Variants in LRRC7 observed in about 807,000 individuals in gnomAD.
LRRC7 encodes the protein leucine rich repeat containing 7, also known as leucine-rich repeat-containing protein 7.
Under a neutral mutation model 175.7 loss-of-function variants are expected in LRRC7, and 23 were observed. The observed-to-expected ratio is 0.13, with a 90% CI of 0.09 to 0.19. The LOEUF (loss-of-function observed/expected upper bound fraction) is 0.19, where lower values mean the gene tolerates loss of function less well. LRRC7 is among the 10% of genes least tolerant of loss of function. LRRC7 has a pLI of 1.00. For synonymous variants in LRRC7, 685 were observed against 680.9 expected (o/e 1.01, Z -0.09); for missense variants, 1,354 against 1,904.7 (o/e 0.71, Z 5.38).
intron 1 of LRRC7, among the ~76,000 whole-genome samples, chr1:69,615,002 T>C (rs1288058939): frequency 1.3e-5 from 2 of 152,086 alleles, no homozygotes; most frequent in East Asian, 1.9e-4. Flanking sequence ...CTTCTACTTT[T>C]TCCATCTTTG....
chr1:69,803,385 A>T (rs116640038), intron 4 of LRRC7, among the ~76,000 whole-genome samples: 1 of 151,406 alleles, frequency 6.6e-6, no homozygotes, highest in South Asian at 2.1e-4. Flanking sequence ...ATTCATGAAC[A>T]TGGTATTTCC....
At chr1:69,717,923 A>G (rs74439209) in intron 2 of LRRC7, among the ~76,000 whole-genome samples, 67,518 of 93,462 alleles carry the variant, frequency 0.72, 24,378 homozygotes, top group African/African-American at 0.86. Context: ...AAGAGAGAAA[A>G]AAAGAAAAGA....
At chr1:69,911,834 T>C (rs1646540336) in intron 7 of LRRC7, among the ~76,000 whole-genome samples, 1 of 152,038 alleles carries the variant, frequency 6.6e-6, no homozygotes, top group South Asian at 2.1e-4. Context: ...GAGTTATGCC[T>C]ATTTGATACA....
chr1:69,994,680 C>T (rs755370262), intron 11 of LRRC7, 47 bp downstream of exon 11: 9 of 1,289,558 alleles, frequency 7.0e-6, no homozygotes, highest in Non-Finnish European at 9.0e-6. Flanking sequence ...AAGCCAGAAA[C>T]TAAAGGATAT....
At chr1:70,075,188 T>C (rs1411188402) in intron 23 of LRRC7, among the ~76,000 whole-genome samples, 1 of 152,222 alleles carries the variant, frequency 6.6e-6, no homozygotes, top group African/African-American at 2.4e-5. Context: ...TAGACCTCCA[T>C]GTTAAACCAT....
At chr1:69,671,928 A>G (rs4462090) in intron 1 of LRRC7, among the ~76,000 whole-genome samples, 33,286 of 152,094 alleles carry the variant, frequency 0.22, 3,741 homozygotes, top group South Asian at 0.29. Context: ...GCCCTCTTCA[A>G]TGCCTCTTTC....
chr1:69,671,908 A>T (rs1659132440), intron 1 of LRRC7, among the ~76,000 whole-genome samples: 2 of 151,670 alleles, frequency 1.3e-5, no homozygotes, highest in Admixed American at 1.3e-4. Context: ...GCAATTCAGG[A>T]CTCTTTCCTG....
In LRRC7 at chr1:70,126,219, A is replaced by T. The variant is rs1666450056; in HGVS notation, c.*4332A>T. 6.6e-6 allele frequency among the ~76,000 whole-genome samples: 1 copy of T among 152,206 alleles called. No individual in the cohort carries two copies. The highest frequency in any genetic ancestry group is 2.4e-5 in the African/African-American group (1 of 41,430). ...GACTACCACTCAAAGTCTTTGATAAATTCGATCAAACAACATATTTGACTA... is the reference window on the plus strand; with the variant it reads ...GACTACCACTCAAAGTCTTTGATAATTTCGATCAAACAACATATTTGACTA... On this transcript the variant is annotated 3_prime_UTR_variant, in exon 27 of 27. Transcript: ENST00000651989.
chr1:69,725,267 G>A (rs1666824148), intron 2 of LRRC7, among the ~76,000 whole-genome samples: 1 of 152,090 alleles, frequency 6.6e-6, no homozygotes, highest in Non-Finnish European at 1.5e-5. Flanking sequence ...GGAGGAGGAA[G>A]AGAAGAGGTT....
intron 3 of LRRC7, among the ~76,000 whole-genome samples, chr1:69,762,160 C>T (rs1029788368): frequency 6.6e-6 from 1 of 151,768 alleles, no homozygotes; most frequent in Non-Finnish European, 1.5e-5. Context: ...ATCTAGCAAC[C>T]CTAGGCCAAT....
At position 69,659,283 on chromosome 1, in the gene LRRC7, C is replaced by T. The variant is rs189315675; in HGVS notation, c.3-19098C>T. Among the ~76,000 whole-genome samples, 21 of 151,618 alleles carry T rather than the reference C, an allele frequency of 1.4e-4. No homozygotes were observed. The South Asian group carries it at 4.0e-3, about 29-fold the overall frequency. ...AATCTAGAGGGATAAAAAGAGAATT[C>T]CCAACACAGGAGAACAATGAGGATA... On this transcript the variant is annotated intron_variant, in intron 1 of 26. Coordinates refer to ENST00000651989, the MANE Select transcript of LRRC7 (RefSeq NM_001370785.2).
intron 25 of LRRC7, among the ~76,000 whole-genome samples, chr1:70,105,363 T>C (rs1208561979): frequency 1.3e-5 from 2 of 152,152 alleles, no homozygotes; most frequent in Non-Finnish European, 2.9e-5. Flanking sequence ...CTTAATCTTA[T>C]AAGTAGTGCA....
chr1:69,717,858 GAAA>G lies in LRRC7; in HGVS notation c.100+39381_100+39383del, dbSNP rs766564151. ...AGAAAGAAAAAAGAAAGAAAGGAAA[GAAA>G]GAAAGAAAGAAAGAAAGAGAGAAAA... On this transcript the variant is annotated intron_variant, in intron 2 of 26. Transcript: ENST00000651989. Among the ~76,000 whole-genome samples, 48 of 78,610 alleles carry G rather than the reference GAAA, an allele frequency of 6.1e-4. 6 individuals are homozygous for G. Among genetic ancestry groups the G allele is most frequent in the African/African-American group, 2.0e-3 (46 of 22,884 alleles). The allele number at this position is 78,610 out of a possible 152,430, so 51.6% of individuals were successfully genotyped here.
chr1:69,784,545 C>T lies in LRRC7; in HGVS notation c.304-7498C>T, dbSNP rs538186220. The stretch of plus-strand genomic sequence containing the variant: ...ATGCTTGCTTCAGTTCCTGTGTCCT[C>T]CTTGTTCCATAGATTGTTGTGAAGG... On this transcript the variant is annotated intron_variant, in intron 3 of 26. Transcript: ENST00000651989. Among the ~76,000 whole-genome samples the T allele has an allele frequency of 2.0e-5, 3 of 152,304 alleles. No individual in the cohort carries two copies. In the South Asian group the frequency reaches 6.2e-4, roughly 32 times the overall value.
chr1:69,603,789 T>C lies in LRRC7; in HGVS notation c.2+35148T>C, dbSNP rs543334934. 1.3e-4 allele frequency among the ~76,000 whole-genome samples: 20 copies of C among 152,212 alleles called. No individual in the cohort carries two copies. The South Asian group carries it at 2.1e-3, about 16-fold the overall frequency. On this transcript the variant is annotated intron_variant, in intron 1 of 26. Transcript: ENST00000651989. ...AACCTTCCAATTTCTTATTTTCTTT[T>C]AAATTTATTTTATATTATTTGAAAC...
chr1:69,763,200 G>A (rs976453861), intron 3 of LRRC7, among the ~76,000 whole-genome samples: 3 of 151,984 alleles, frequency 2.0e-5, no homozygotes, highest in East Asian at 1.9e-4. Context: ...GCTCTCGTAA[G>A]TGGTAGGTCC....
chr1:69,858,186 A>C (rs1394161279), intron 7 of LRRC7, among the ~76,000 whole-genome samples: 1 of 152,206 alleles, frequency 6.6e-6, no homozygotes, highest in Admixed American at 6.5e-5. Flanking sequence ...AATACTATTC[A>C]GGACATAGGC....
chr1:69,834,934 A>G, intron 6 of LRRC7, 65 bp downstream of exon 6: 1 of 1,214,176 alleles, frequency 8.2e-7, no homozygotes, highest in South Asian at 1.2e-5. Flanking sequence ...TACCAGTGCC[A>G]GTTGATGAGA....
chr1:69,570,825 T>C (rs1645712410), intron 1 of LRRC7, among the ~76,000 whole-genome samples: 1 of 152,130 alleles, frequency 6.6e-6, no homozygotes, highest in Non-Finnish European at 1.5e-5. Flanking sequence ...GGCTAAAGTA[T>C]ATTGGGGGTG....
Sources: gnomAD v4.1 joint callset for allele counts (sites outside exome capture counted in the v4.1 genomes callset) on GRCh38, gnomAD v4.1.1 for gene constraint, MANE v1.5 for transcripts, NCBI Gene and HGNC (gene_info 2026-07-23, HGNC 2026-07-21) for gene names.